Variants in IL1RAPL2 observed in about 807,000 individuals in gnomAD.
The protein encoded by IL1RAPL2 is X-linked interleukin-1 receptor accessory protein-like 2.
Under a neutral mutation model 44.1 loss-of-function variants are expected in IL1RAPL2, and 3 were observed. The observed-to-expected ratio is 0.07, with a 90% CI of 0.03 to 0.18. IL1RAPL2 has a LOEUF of 0.18. IL1RAPL2 is among the 10% of genes least tolerant of loss of function. The pLI is 1.00. For synonymous variants in IL1RAPL2, 181 were observed against 178.8 expected (o/e 1.01, Z -0.10); for missense variants, 391 against 496.4 (o/e 0.79, Z 2.02).
At chrX:105,369,634 T>C (rs772157384) in intron 5 of IL1RAPL2, among the ~76,000 whole-genome samples, 1 of 111,687 alleles carries the variant, frequency 9.0e-6, no homozygotes, top group Non-Finnish European at 1.9e-5. Context: ...CCTGGGGAGA[T>C]AGCTGCTGAA....
chrX:105,528,043 C>T (rs2036606575), intron 6 of IL1RAPL2, among the ~76,000 whole-genome samples: 1 of 112,086 alleles, frequency 8.9e-6, no homozygotes, highest in Admixed American at 9.5e-5. Context: ...ATACCCATGT[C>T]ATAGGATACA....
At chrX:105,574,640 G>C (rs947874102) in intron 6 of IL1RAPL2, among the ~76,000 whole-genome samples, 3 of 112,087 alleles carry the variant, frequency 2.7e-5, no homozygotes, top group African/African-American at 9.7e-5. Flanking sequence ...AATCACTGGA[G>C]GTCCAGTGGG....
chrX:105,349,471 A>G (rs1469321640), intron 5 of IL1RAPL2, among the ~76,000 whole-genome samples: 3 of 111,939 alleles, frequency 2.7e-5, no homozygotes, highest in African/African-American at 9.7e-5. Flanking sequence ...TTCAGAATCT[A>G]GTAATTCCCA....
intron 6 of IL1RAPL2, among the ~76,000 whole-genome samples, chrX:105,561,935 G>T (rs1222922857): frequency 8.9e-6 from 1 of 111,798 alleles, no homozygotes; most frequent in African/African-American, 3.3e-5. Context: ...AGGATCTCAG[G>T]ATTAGAGTAG....
At chrX:104,664,360 A>G (rs1287162545) in intron 2 of IL1RAPL2, among the ~76,000 whole-genome samples, 1 of 110,579 alleles carries the variant, frequency 9.0e-6, no homozygotes, top group Non-Finnish European at 1.9e-5. Flanking sequence ...CAGCCATTTT[A>G]AATGCCTTGA....
chrX:105,566,704 G>T (rs2036977608), intron 6 of IL1RAPL2, among the ~76,000 whole-genome samples: 1 of 111,468 alleles, frequency 9.0e-6, no homozygotes, highest in Admixed American at 9.6e-5. Flanking sequence ...AGGCAGAAGA[G>T]TAAATAAGCA....
intron 2 of IL1RAPL2, among the ~76,000 whole-genome samples, chrX:105,112,005 T>C (rs62602969): frequency 0.018 from 2,003 of 111,944 alleles, 29 homozygotes; most frequent in Non-Finnish European, 0.026. Flanking sequence ...ACCTCTGGCA[T>C]CTGTGTACTT....
intron 3 of IL1RAPL2, among the ~76,000 whole-genome samples, chrX:105,231,236 G>T (rs2034067225): frequency 8.9e-6 from 1 of 111,790 alleles, no homozygotes; most frequent in Non-Finnish European, 1.9e-5. Flanking sequence ...TCTATCCCCT[G>T]CCCCTGCCGG....
At chrX:105,738,135 A>C (rs1480849986) in intron 7 of IL1RAPL2, among the ~76,000 whole-genome samples, 1 of 111,814 alleles carries the variant, frequency 8.9e-6, no homozygotes, top group Non-Finnish European at 1.9e-5. Flanking sequence ...CCAATCTTAA[A>C]TGTCAGTAAA....
At chrX:104,955,250 G>C (rs775448918) in intron 2 of IL1RAPL2, among the ~76,000 whole-genome samples, 1 of 111,088 alleles carries the variant, frequency 9.0e-6, no homozygotes, top group Non-Finnish European at 1.9e-5. Context: ...AGGCAGAGGA[G>C]AGAATAGCCA....
intron 4 of IL1RAPL2, among the ~76,000 whole-genome samples, chrX:105,260,087 C>G (rs1196471379): frequency 8.9e-6 from 1 of 112,038 alleles, no homozygotes; most frequent in Non-Finnish European, 1.9e-5. Flanking sequence ...GGGTGGAGAC[C>G]CTGGTTGGAA....
chrX:105,296,599 C>T (rs2034656079), intron 5 of IL1RAPL2, among the ~76,000 whole-genome samples: 1 of 112,105 alleles, frequency 8.9e-6, no homozygotes, highest in Non-Finnish European at 1.9e-5. Flanking sequence ...AGCAGAATGA[C>T]ATTATATAGT....
intron 2 of IL1RAPL2, among the ~76,000 whole-genome samples, chrX:105,094,905 A>G (rs2147556806): frequency 9.0e-6 from 1 of 111,241 alleles, no homozygotes; most frequent in African/African-American, 3.3e-5. Flanking sequence ...CTCCTTGATT[A>G]AATTTATTCC....
intron 4 of IL1RAPL2, among the ~76,000 whole-genome samples, chrX:105,266,658 G>A (rs2147655766): frequency 9.0e-6 from 1 of 111,312 alleles, no homozygotes; most frequent in African/African-American, 3.3e-5. Flanking sequence ...TAAGATAATT[G>A]GCTTCAAAAC....
At chrX:104,630,052 C>T (rs745983292) in intron 1 of IL1RAPL2, among the ~76,000 whole-genome samples, 51 of 110,541 alleles carry the variant, frequency 4.6e-4, no homozygotes, top group African/African-American at 1.6e-3. Context: ...GGTGTGATCT[C>T]GGCTCACTGC....
At chrX:105,215,474 T>C (rs1299601037) in intron 3 of IL1RAPL2, among the ~76,000 whole-genome samples, 2 of 111,549 alleles carry the variant, frequency 1.8e-5, no homozygotes, top group Non-Finnish European at 3.8e-5. Flanking sequence ...ATTAATAGTC[T>C]ACCAACCAAA....
chrX:104,675,992 T>C (rs1930743660), intron 2 of IL1RAPL2, among the ~76,000 whole-genome samples: 1 of 106,730 alleles, frequency 9.4e-6, no homozygotes, highest in Non-Finnish European at 2.0e-5. Context: ...TCTATGTGTG[T>C]CTCTGCACGT....
At chrX:105,506,433 A>G (rs774062512) in intron 6 of IL1RAPL2, among the ~76,000 whole-genome samples, 1 of 110,523 alleles carries the variant, frequency 9.0e-6, no homozygotes, top group Admixed American at 9.7e-5. Flanking sequence ...TTTTTTCTCC[A>G]TGTGGCTTCT....
At chrX:104,935,292 A>C (rs758567636) in intron 2 of IL1RAPL2, among the ~76,000 whole-genome samples, 209 of 112,134 alleles carry the variant, frequency 1.9e-3, no homozygotes, top group African/African-American at 6.5e-3. Context: ...TTGAACATTT[A>C]TTTCAAATAT....
Sources: gnomAD v4.1 joint callset for allele counts (sites outside exome capture counted in the v4.1 genomes callset) on GRCh38, gnomAD v4.1.1 for gene constraint, MANE v1.5 for transcripts, NCBI Gene and HGNC (gene_info 2026-07-23, HGNC 2026-07-21) for gene names.